The following ZNF532 variants were observed in gnomAD, a reference collection of about 807,000 sequenced individuals.
ZNF532 encodes the protein zinc finger protein 532.
A neutral mutation model predicts 89.3 loss-of-function variants in ZNF532; 22 were observed. The observed-to-expected ratio is 0.25, with a 90% CI of 0.18 to 0.35. The LOEUF (loss-of-function observed/expected upper bound fraction) is 0.35, where lower values mean the gene tolerates loss of function less well. Among genes scored for constraint, ZNF532 ranks in the 10% least tolerant of loss-of-function variants. The pLI is 1.00. For synonymous variants in ZNF532, 606 were observed against 649.6 expected, an observed-to-expected ratio of 0.93 and a Z score of 1.02; for missense variants, 1,132 against 1,643.4, an observed-to-expected ratio of 0.69 and a Z score of 5.38.
chr18:58,867,475 ACAATGTAG>A (rs1442079540), intron 2 of ZNF532, among the ~76,000 whole-genome samples: 1 of 151,232 alleles, frequency 6.6e-6, no homozygotes, highest in Non-Finnish European at 1.5e-5. Flanking sequence ...CTGAGGTATA[ACAATGTAG>A]CAGGCCCAGG....
At chr18:58,927,560 A>G (rs746350068) in intron 3 of ZNF532, among the ~76,000 whole-genome samples, 4 of 151,896 alleles carry the variant, frequency 2.6e-5, no homozygotes, top group Non-Finnish European at 4.4e-5. Flanking sequence ...TGTCATTCCT[A>G]GGGTCTTGAG....
At chr18:58,977,772 C>T (rs1220698043) in intron 7 of ZNF532, 1 of 152,094 alleles carries the variant, frequency 6.6e-6, no homozygotes, top group Non-Finnish European at 1.5e-5. Flanking sequence ...GTTCTTTGAA[C>T]CCAGGAGGCG....
intron 2 of ZNF532, among the ~76,000 whole-genome samples, chr18:58,878,555 T>C (rs1031645303): frequency 3.3e-5 from 5 of 152,242 alleles, no homozygotes; most frequent in African/African-American, 1.2e-4. Context: ...ACTGGATAAC[T>C]GCAGCCTGAA....
intron 7 of ZNF532, among the ~76,000 whole-genome samples, chr18:58,963,656 A>C (rs537501603): frequency 4.9e-4 from 68 of 138,664 alleles, no homozygotes; most frequent in African/African-American, 1.8e-3. Flanking sequence ...TATGTATATA[A>C]ATTTTTAAAG....
intron 6 of ZNF532, among the ~76,000 whole-genome samples, chr18:58,950,066 T>C (rs2064014684): frequency 6.6e-6 from 1 of 152,274 alleles, no homozygotes; most frequent in Admixed American, 6.5e-5. Context: ...AATAAAAATT[T>C]AGGGATGTTG....
intron 5 of ZNF532, among the ~76,000 whole-genome samples, chr18:58,940,800 G>C (rs545967255): frequency 6.6e-6 from 1 of 151,992 alleles, no homozygotes; most frequent in African/African-American, 2.4e-5. Flanking sequence ...ATTAGTTATC[G>C]CAACATAGAG....
At chr18:58,946,237 C>T (rs2063642902) in intron 5 of ZNF532, among the ~76,000 whole-genome samples, 1 of 150,784 alleles carries the variant, frequency 6.6e-6, no homozygotes. Flanking sequence ...GCATGAAAAT[C>T]TTTCCATGCC....
chr18:58,950,903 G>A (rs994406596), intron 6 of ZNF532, among the ~76,000 whole-genome samples: 2 of 152,144 alleles, frequency 1.3e-5, no homozygotes, highest in African/African-American at 4.8e-5. Context: ...CTTCCAGAGC[G>A]CTGAAATTAT....
intron 7 of ZNF532, among the ~76,000 whole-genome samples, chr18:58,966,742 T>C (rs917207295): frequency 3.4e-5 from 3 of 88,590 alleles, no homozygotes; most frequent in Admixed American, 1.1e-4. Flanking sequence ...TTTTGTGTTT[T>C]TTTTTTTTTT....
Position 58,934,333 on chromosome 18 carries a change from A to G in ZNF532, c.2347-100A>G, listed in dbSNP as rs550019653. 241 of 1,113,896 alleles carry G rather than the reference A, an allele frequency of 2.2e-4. 3 individuals carry two copies. In the South Asian group the frequency reaches 3.6e-3, roughly 16 times the overall value. The allele number at this position is 1,113,896 out of a possible 1,614,324, so 69.0% of individuals were successfully genotyped here. A position where few individuals can be genotyped will look rare whatever the true frequency, so the allele number is the denominator to read the frequency against. ...TAGAATCAATTACTGTAGTGTTTGA[A>G]ATGAAGGATGTATAATTATCTGGAG... On this transcript the variant is annotated intron_variant, in intron 3 of 9. Coordinates refer to ENST00000591808, the MANE Select transcript of ZNF532 (RefSeq NM_001375912.1).
At chr18:58,879,629 G>T (rs8090114) in intron 2 of ZNF532, among the ~76,000 whole-genome samples, 28,071 of 152,020 alleles carry the variant, frequency 0.18, 2,924 homozygotes, top group Middle Eastern at 0.28. Context: ...GACATTGTGA[G>T]CCACCTGCCC....
intron 2 of ZNF532, among the ~76,000 whole-genome samples, chr18:58,913,609 T>A (rs1192378442): frequency 1.3e-5 from 2 of 151,524 alleles, no homozygotes; most frequent in Non-Finnish European, 2.9e-5. Flanking sequence ...GGAAAAAATA[T>A]ATATATATAA....
intron 2 of ZNF532, among the ~76,000 whole-genome samples, chr18:58,893,895 G>C (rs1281554330): frequency 1.3e-5 from 2 of 152,160 alleles, no homozygotes; most frequent in African/African-American, 4.8e-5. Context: ...CTGTGGATCA[G>C]CTGGGTGGTT....
intron 7 of ZNF532, among the ~76,000 whole-genome samples, chr18:58,975,470 G>T (rs975102497): frequency 7.2e-5 from 11 of 152,212 alleles, no homozygotes; most frequent in African/African-American, 2.4e-4. Flanking sequence ...TTATTAGAAT[G>T]GGAAGTTTCT....
At chr18:58,872,684 C>T (rs1038455436) in intron 2 of ZNF532, among the ~76,000 whole-genome samples, 2 of 146,920 alleles carry the variant, frequency 1.4e-5, no homozygotes, top group Non-Finnish European at 2.9e-5. Context: ...TTCTCTCTGC[C>T]TTCCAACATT....
rs774486304 is a variant in ZNF532, at chr18:58,920,559, G to C, written c.2272G>C (p.Glu758Gln). ...GTGTAGACATAGTCTAAAATGTTTG[G>C]AGTGTAATGAAGTCTTCCAGGACGA... is the stretch of plus-strand genomic sequence containing the variant. ...KLCRHSLKCL[E>Q]CNEVFQDETS... Residue 758 changes from glutamate (E) to glutamine (Q), a missense_variant, in exon 3 of 10, where the codon GAG becomes CAG. Physicochemically the swap from Glu to Gln is conservative, Grantham distance 29. Around this residue, in one of 9 missense-constraint regions of ZNF532, gnomAD observed 100 missense variants for 122.0 expected, o/e 0.82. Coordinates refer to ENST00000591808, the MANE Select transcript of ZNF532 (RefSeq NM_001375912.1). 3 of 1,612,912 alleles carry C rather than the reference G, an allele frequency of 1.9e-6. No homozygotes were observed. Among genetic ancestry groups the C allele is most frequent in the Non-Finnish European group, 2.5e-6 (3 of 1,179,240 alleles).
chr18:58,913,205 A>G (rs2145924611), intron 2 of ZNF532, among the ~76,000 whole-genome samples: 1 of 152,296 alleles, frequency 6.6e-6, no homozygotes, highest in South Asian at 2.1e-4. Context: ...GAGATTGGTG[A>G]TGGAGGCAGA....
intron 2 of ZNF532, among the ~76,000 whole-genome samples, chr18:58,879,479 C>T (rs1481230242): frequency 6.6e-6 from 1 of 152,190 alleles, no homozygotes; most frequent in East Asian, 1.9e-4. Flanking sequence ...CTCGCTGCAG[C>T]CTCCGCCTCC....
chr18:58,942,752 CTA>C (rs1254082197), intron 5 of ZNF532, among the ~76,000 whole-genome samples: 17 of 152,302 alleles, frequency 1.1e-4, no homozygotes, highest in African/African-American at 3.8e-4. Flanking sequence ...AAATCCATCT[CTA>C]TTCTGTTTAC....
Sources: gnomAD v4.1 joint callset for allele counts (sites outside exome capture counted in the v4.1 genomes callset) on GRCh38, gnomAD v4.1.1 for gene constraint, gnomAD v4.1.1 regional missense constraint, MANE v1.5 for transcripts, NCBI Gene and HGNC (gene_info 2026-07-23, HGNC 2026-07-21) for gene names.